The following DIP2B variants were observed in gnomAD, a reference collection of about 807,000 sequenced individuals.
DIP2B encodes the protein DIP2 acetate--CoA ligase B (putative).
DIP2B carries 76 observed loss-of-function variants against 198.0 expected under a neutral mutation model. That is an observed-to-expected ratio of 0.38 (90% CI 0.32 to 0.46). DIP2B has a LOEUF of 0.46. Among genes scored for constraint, DIP2B ranks in the 20% least tolerant of loss-of-function variants. DIP2B has a pLI of 0.99. For missense variants in DIP2B, 1,559 were observed against 1,978.4 expected (o/e 0.79, Z 4.02); for synonymous variants, 701 against 739.1 (o/e 0.95, Z 0.84).
Position 50,626,053 on chromosome 12 carries a change from C to A in DIP2B, c.172+6C>A. Reference sequence around the variant, plus strand: ...TTACAGCCCGCAGACACAAGGTAGGCAATAAAAAATGGTTTCAACTTTTTC... The same window carrying A: ...TTACAGCCCGCAGACACAAGGTAGGAAATAAAAAATGGTTTCAACTTTTTC... On this transcript the variant is annotated splice_donor_region_variant and intron_variant, in intron 2 of 37. Coordinates refer to ENST00000301180, the MANE Select transcript of DIP2B (RefSeq NM_173602.3). The A allele has an allele frequency of 6.2e-7, 1 of 1,613,106 alleles. No individual in the cohort carries two copies. The highest frequency in any genetic ancestry group is 1.7e-4 in the Middle Eastern group (1 of 6,056).
chr12:50,572,558 T>G (rs143919575), intron 1 of DIP2B, among the ~76,000 whole-genome samples: 1 of 152,266 alleles, frequency 6.6e-6, no homozygotes, highest in African/African-American at 2.4e-5. Flanking sequence ...GATAAGAAAA[T>G]GAACAAAACA....
intron 2 of DIP2B, among the ~76,000 whole-genome samples, chr12:50,637,977 T>C (rs917653236): frequency 2.6e-5 from 4 of 152,206 alleles, no homozygotes; most frequent in Admixed American, 6.5e-5. Context: ...TACATATTGA[T>C]CATTGAGAAG....
rs1345935824 is a variant in DIP2B, at chr12:50,745,725, G to A, written c.*886G>A. The A allele has an allele frequency of 1.3e-5, 2 of 152,574 alleles. No individual in the cohort carries two copies. Among genetic ancestry groups the A allele is most frequent in the Non-Finnish European group, 2.9e-5 (2 of 68,040 alleles). The allele number at this position is 152,574 out of a possible 1,614,324, so 9.5% of individuals were successfully genotyped here. On this transcript the variant is annotated 3_prime_UTR_variant, in exon 38 of 38. Coordinates refer to ENST00000301180, the MANE Select transcript of DIP2B (RefSeq NM_173602.3). ...TTAAAAATCAAAATGTTAACACAAAGCTAAGATTCATCAGAGCCCACCCTA... is the reference window on the plus strand; with the variant it reads ...TTAAAAATCAAAATGTTAACACAAAACTAAGATTCATCAGAGCCCACCCTA...
At chr12:50,679,069 C>T (rs1430445412) in intron 8 of DIP2B, 193 bp downstream of exon 8, 2 of 624,872 alleles carry the variant, frequency 3.2e-6, no homozygotes, top group Admixed American at 3.2e-5. Context: ...CATTTGCAAG[C>T]CAGCTAATAT....
At chr12:50,565,596 G>A (rs1958557146) in intron 1 of DIP2B, among the ~76,000 whole-genome samples, 1 of 151,988 alleles carries the variant, frequency 6.6e-6, no homozygotes, top group Non-Finnish European at 1.5e-5. Flanking sequence ...AAGAGCTCTG[G>A]TCTGTTTTAT....
intron 1 of DIP2B, among the ~76,000 whole-genome samples, chr12:50,555,662 T>G (rs1187264144): frequency 3.9e-5 from 6 of 152,118 alleles, no homozygotes; most frequent in Non-Finnish European, 8.8e-5. Context: ...ACTTTTACCC[T>G]CATCTTGTTC....
chr12:50,619,575 A>G (rs1307417403), intron 1 of DIP2B, among the ~76,000 whole-genome samples: 1 of 152,162 alleles, frequency 6.6e-6, no homozygotes, highest in Non-Finnish European at 1.5e-5. Flanking sequence ...CATGGCGCTT[A>G]ATTATAGAGT....
intron 25 of DIP2B, among the ~76,000 whole-genome samples, chr12:50,720,115 G>C (rs527444490): frequency 7.3e-5 from 11 of 151,718 alleles, no homozygotes; most frequent in African/African-American, 2.4e-4. Context: ...ATTTTTATTA[G>C]AGACGGGCTT....
intron 3 of DIP2B, among the ~76,000 whole-genome samples, chr12:50,647,472 C>G (rs1012650308): frequency 6.6e-6 from 1 of 152,034 alleles, no homozygotes; most frequent in Non-Finnish European, 1.5e-5. Context: ...TAAAATATCC[C>G]CTCCTTTTCC....
At chr12:50,541,957 G>A (rs1359498184) in intron 1 of DIP2B, among the ~76,000 whole-genome samples, 6 of 149,646 alleles carry the variant, frequency 4.0e-5, no homozygotes, top group African/African-American at 1.2e-4. Context: ...AGCCGAAATT[G>A]CGCCACTGCA....
At chr12:50,663,581 A>AATAAATAAATAG in intron 4 of DIP2B, among the ~76,000 whole-genome samples, 1 of 151,352 alleles carries the variant, frequency 6.6e-6, no homozygotes, top group African/African-American at 2.4e-5. Context: ...TAAATAAATA[A>AATAAATAAATAG]AACAGTTGTG....
intron 4 of DIP2B, among the ~76,000 whole-genome samples, chr12:50,661,032 C>T (rs1938636955): frequency 6.6e-6 from 1 of 152,030 alleles, no homozygotes. Context: ...TAACTAGAAA[C>T]AATCTAAGTT....
intron 4 of DIP2B, 88 bp downstream of exon 4, chr12:50,660,407 C>T (rs1938624593): frequency 2.2e-6 from 3 of 1,362,756 alleles, no homozygotes; most frequent in African/African-American, 2.9e-5. Flanking sequence ...GAGGTAAGAA[C>T]CAGAATCTTC....
intron 1 of DIP2B, among the ~76,000 whole-genome samples, chr12:50,536,570 T>C (rs951325444): frequency 1.1e-5 from 1 of 94,250 alleles, no homozygotes; most frequent in Non-Finnish European, 2.8e-5. Context: ...AATAATTGTG[T>C]TTTGTTTTTT....
At chr12:50,612,981 C>T (rs998079528) in intron 1 of DIP2B, among the ~76,000 whole-genome samples, 2 of 152,184 alleles carry the variant, frequency 1.3e-5, no homozygotes, top group African/African-American at 4.8e-5. Flanking sequence ...TCTGTTCTCC[C>T]GTCTCCCTTG....
intron 1 of DIP2B, among the ~76,000 whole-genome samples, chr12:50,609,390 T>A (rs1446545120): frequency 6.6e-6 from 1 of 152,212 alleles, no homozygotes; most frequent in East Asian, 1.9e-4. Context: ...TAAAACAAGA[T>A]AGAAGTTTAT....
chr12:50,527,592 C>T (rs1484071881), intron 1 of DIP2B, among the ~76,000 whole-genome samples: 2 of 152,032 alleles, frequency 1.3e-5, no homozygotes, highest in Non-Finnish European at 2.9e-5. Flanking sequence ...GAGACTCTGT[C>T]CCTAGGTGGT....
At position 50,724,887 on chromosome 12, in the gene DIP2B, G is replaced by A. The variant is rs1330549960; in HGVS notation, c.3400+1G>A. ...ACCTGGCCAACCATCATTGACACAG[G>A]TGAAAGGGAGACTTCTTCTGAGGGT... is the stretch of plus-strand genomic sequence containing the variant. On this transcript the variant is annotated splice_donor_variant, in intron 28 of 37. Coordinates refer to ENST00000301180, the MANE Select transcript of DIP2B (RefSeq NM_173602.3). LOFTEE classifies it high-confidence loss of function. 6.2e-7 allele frequency: 1 copy of A among 1,613,902 alleles called. No homozygotes were observed. The highest frequency in any genetic ancestry group is 8.5e-7 in the Non-Finnish European group (1 of 1,179,886).
At chr12:50,542,560 C>T (rs1489200977) in intron 1 of DIP2B, among the ~76,000 whole-genome samples, 3 of 152,114 alleles carry the variant, frequency 2.0e-5, no homozygotes, top group Non-Finnish European at 2.9e-5. Flanking sequence ...GGGTGACTGA[C>T]TCAGATGTAA....
Sources: gnomAD v4.1 joint callset for allele counts (sites outside exome capture counted in the v4.1 genomes callset) on GRCh38, gnomAD v4.1.1 for gene constraint, MANE v1.5 for transcripts, NCBI Gene and HGNC (gene_info 2026-07-23, HGNC 2026-07-21) for gene names.